Variants in TNFRSF6B observed in about 807,000 individuals in gnomAD.
TNFRSF6B encodes TNF receptor superfamily member 6b, also known as tumor necrosis factor receptor superfamily member 6B.
TNFRSF6B carries 23 observed loss-of-function variants against 17.9 expected under a neutral mutation model. The ratio of observed to expected loss-of-function variants is 1.28; its 90% CI spans 0.92 to 1.82. TNFRSF6B has a LOEUF of 1.82. Ranked by LOEUF, TNFRSF6B falls within the 40% of genes most tolerant of loss-of-function variation. The pLI is 0.00. For missense variants in TNFRSF6B, 555 were observed against 437.2 expected (o/e 1.27, Z -2.40); for synonymous variants, 291 against 195.8 (o/e 1.49, Z -4.06).
At position 63,696,662 on chromosome 20, in the gene TNFRSF6B, G is replaced by A. The variant is rs1412974849; in HGVS notation, c.-106G>A. ...GCAGGATGGGCTTCTGGACTTGGGCGGCCCCTCCGCAGGCGGACCGGGGGC... is the reference window on the plus strand; with the variant it reads ...GCAGGATGGGCTTCTGGACTTGGGCAGCCCCTCCGCAGGCGGACCGGGGGC... On this transcript the variant is annotated 5_prime_UTR_variant, in exon 1 of 3. Transcript: ENST00000369996. 8.6e-6 allele frequency: 11 copies of A among 1,282,376 alleles called. No individual in the cohort carries two copies. The highest frequency in any genetic ancestry group is 3.0e-5 in the African/African-American group (2 of 66,738). The allele number at this position is 1,282,376 out of a possible 1,614,324, so 79.4% of individuals were successfully genotyped here. A position where few individuals can be genotyped will look rare whatever the true frequency, so the allele number is the denominator to read the frequency against.
At chr20:63,697,923 C>A (rs2091018649) in intron 2 of TNFRSF6B, among the ~76,000 whole-genome samples, 1 of 152,196 alleles carries the variant, frequency 6.6e-6, no homozygotes, top group South Asian at 2.1e-4. Flanking sequence ...TGAGAAGTCA[C>A]AGGGGGAAGT....
chr20:63,697,692 C>T (rs2091012567), intron 2 of TNFRSF6B, among the ~76,000 whole-genome samples, 170 bp downstream of exon 2: 1 of 152,176 alleles, frequency 6.6e-6, no homozygotes, highest in Non-Finnish European at 1.5e-5. Flanking sequence ...CCAAGTCTGC[C>T]CTCTCAGGGG....
At chr20:63,697,855 G>C (rs2091017079) in intron 2 of TNFRSF6B, among the ~76,000 whole-genome samples, 1 of 152,166 alleles carries the variant, frequency 6.6e-6, no homozygotes, top group South Asian at 2.1e-4. Flanking sequence ...AACTGCCTGA[G>C]AGGAAGGTGG....
At chr20:63,698,118 A>G (rs926043079) in intron 2 of TNFRSF6B, among the ~76,000 whole-genome samples, 162 bp from the exon 3 acceptor site, 1 of 152,120 alleles carries the variant, frequency 6.6e-6, no homozygotes, top group African/African-American at 2.4e-5. Context: ...CCCCTTCTCC[A>G]GTCCCCATCG....
Position 63,698,657 on chromosome 20 carries a change from C to G in TNFRSF6B, c.*94C>G. On this transcript the variant is annotated 3_prime_UTR_variant, in exon 3 of 3. Coordinates refer to ENST00000369996, the MANE Select transcript of TNFRSF6B (RefSeq NM_003823.4). ...ATAGAAGAAATGAGGTTTCTTAAAGCTTATTTTTATAAAGCTTTTTCATAA... is the reference window on the plus strand; with the variant it reads ...ATAGAAGAAATGAGGTTTCTTAAAGGTTATTTTTATAAAGCTTTTTCATAA... 2.3e-6 allele frequency: 3 copies of G among 1,319,460 alleles called. No homozygotes were observed. Among genetic ancestry groups the G allele is most frequent in the Non-Finnish European group, 3.0e-6 (3 of 1,015,498 alleles). The allele number at this position is 1,319,460 out of a possible 1,614,324, so 81.7% of individuals were successfully genotyped here. A position where few individuals can be genotyped will look rare whatever the true frequency, so the allele number is the denominator to read the frequency against.
At chr20:63,697,890 C>T (rs542986771) in intron 2 of TNFRSF6B, among the ~76,000 whole-genome samples, 27 of 152,278 alleles carry the variant, frequency 1.8e-4, no homozygotes, top group African/African-American at 5.3e-4. Flanking sequence ...ATGGGGAAAC[C>T]GAGGCCCAAT....
In TNFRSF6B at chr20:63,696,789, G is replaced by A; in HGVS notation, c.22G>A (p.Gly8Ser). Residue 8 changes from glycine (G) to serine (S), a missense_variant, in exon 1 of 3, where the codon GGC becomes AGC. Transcript: ENST00000369996. MRALEGP[G>S]LSLLCLVLAL... ...GACCATGAGGGCGCTGGAGGGGCCAGGCCTGTCGCTGCTGTGCCTGGTGTT... is the reference window on the plus strand; with the variant it reads ...GACCATGAGGGCGCTGGAGGGGCCAAGCCTGTCGCTGCTGTGCCTGGTGTT... 2 of 1,602,676 alleles carry A rather than the reference G, an allele frequency of 1.2e-6. No homozygotes were observed. Among genetic ancestry groups the A allele is most frequent in the Non-Finnish European group, 8.5e-7 (1 of 1,174,970 alleles).
intron 2 of TNFRSF6B, 136 bp downstream of exon 2, chr20:63,697,658 A>AGGGGTCC (rs1334083588): frequency 1.0e-6 from 1 of 978,206 alleles, no homozygotes; most frequent in Non-Finnish European, 1.4e-6. Context: ...TTGAGGGGTC[A>AGGGGTCC]GGGGTCCCTC....
At position 63,698,426 on chromosome 20, in the gene TNFRSF6B, A is replaced by C; in HGVS notation, c.766A>C (p.Lys256Gln). The C allele has an allele frequency of 6.3e-7, 1 of 1,581,780 alleles. No homozygotes were observed. The change falls in exon 3 of 3, where the codon AAG becomes CAG. Residue 256 changes from lysine (K) to glutamine (Q), a missense_variant. Physicochemically the swap from Lys to Gln is moderately conservative, Grantham distance 53 (BLOSUM62 1). Coordinates refer to ENST00000369996, the MANE Select transcript of TNFRSF6B (RefSeq NM_003823.4). ...GGCGGGCCGCGCGGCCTTGCAGCTGAAGCTGCGTCGGCGGCTCACGGAGCT... is the reference window on the plus strand; with the variant it reads ...GGCGGGCCGCGCGGCCTTGCAGCTGCAGCTGCGTCGGCGGCTCACGGAGCT... ...PRAGRAALQL[K>Q]LRRRLTELLG...
chr20:63,697,831 A>G (rs1029213463), intron 2 of TNFRSF6B, among the ~76,000 whole-genome samples: 1 of 152,096 alleles, frequency 6.6e-6, no homozygotes. Flanking sequence ...CCGAGGCCTG[A>G]TGGTAACTCT....
Position 63,696,884 on chromosome 20 carries a change from G to A in TNFRSF6B, c.117G>A (p.Arg39=). 6.2e-7 allele frequency: 1 copy of A among 1,611,854 alleles called. No homozygotes were observed. The highest frequency in any genetic ancestry group is 8.5e-7 in the Non-Finnish European group (1 of 1,179,496). ...CAGAAACACCCACCTACCCCTGGCG[G>A]GACGCAGAGACAGGGGAGCGGCTGG... ...GVAETPTYPW[R]DAETGERLVC... Residue 39 remains arginine (R), a synonymous_variant, in exon 1 of 3, where the codon CGG becomes CGA. Coordinates refer to ENST00000369996, the MANE Select transcript of TNFRSF6B (RefSeq NM_003823.4).
Position 63,698,401 on chromosome 20 carries a change from G to A in TNFRSF6B, c.741G>A (p.Arg247=). The change falls in exon 3 of 3, where the codon AGG becomes AGA. Residue 247 remains arginine (R), a synonymous_variant. Coordinates refer to ENST00000369996, the MANE Select transcript of TNFRSF6B (RefSeq NM_003823.4). ...CGGAGGGCTGGGGTCCGACACCAAG[G>A]GCGGGCCGCGCGGCCTTGCAGCTGA... ...EAPEGWGPTP[R]AGRAALQLKL... 2 of 1,599,628 alleles carry A rather than the reference G, an allele frequency of 1.3e-6. No individual in the cohort carries two copies. The highest frequency in any genetic ancestry group is 1.7e-6 in the Non-Finnish European group (2 of 1,174,866).
In TNFRSF6B at chr20:63,698,268, A is replaced by C. The variant is rs1601211380; in HGVS notation, c.620-12A>C. 1 of 1,608,152 alleles carries C rather than the reference A, an allele frequency of 6.2e-7. No individual in the cohort carries two copies. Among genetic ancestry groups the C allele is most frequent in the Non-Finnish European group, 8.5e-7 (1 of 1,178,186 alleles). On this transcript the variant is annotated splice_polypyrimidine_tract_variant and intron_variant, in intron 2 of 2. Coordinates refer to ENST00000369996, the MANE Select transcript of TNFRSF6B (RefSeq NM_003823.4). ...GAAATGATCGGACCGCTGCCTCCCCACCCCACTGCAGGAGCTGAGGAGTGT... is the reference window on the plus strand; with the variant it reads ...GAAATGATCGGACCGCTGCCTCCCCCCCCCACTGCAGGAGCTGAGGAGTGT...
In TNFRSF6B at chr20:63,696,967, C is replaced by G; in HGVS notation, c.200C>G (p.Pro67Arg). ...CAGCGGCCGTGCCGCCGAGACAGCC[C>G]CACGACGTGTGGCCCGTGTCCACCG... is the stretch of plus-strand genomic sequence containing the variant. Reference protein sequence around the residue: ...FVQRPCRRDSPTTCGPCPPRH... With the variant: ...FVQRPCRRDSRTTCGPCPPRH... Residue 67 changes from proline (P) to arginine (R), a missense_variant, in exon 1 of 3, where the codon CCC becomes CGC. Coordinates refer to ENST00000369996, the MANE Select transcript of TNFRSF6B (RefSeq NM_003823.4). The G allele has an allele frequency of 6.2e-7, 1 of 1,608,724 alleles. No individual in the cohort carries two copies. The highest frequency in any genetic ancestry group is 8.5e-7 in the Non-Finnish European group (1 of 1,178,946).
At chr20:63,697,801 G>A (rs927085428) in intron 2 of TNFRSF6B, among the ~76,000 whole-genome samples, 1 of 152,134 alleles carries the variant, frequency 6.6e-6, no homozygotes, top group Non-Finnish European at 1.5e-5. Flanking sequence ...AAGGTGGCTG[G>A]CTCCTCTGAC....
Position 63,696,727 on chromosome 20 carries a change from T to G in TNFRSF6B, c.-41T>G. On this transcript the variant is annotated 5_prime_UTR_variant, in exon 1 of 3. Transcript: ENST00000369996. ...GTCGGTCAGGCACAGCAGGGTCCTG[T>G]GTCCGCGCTGAGCCGCGCTCTCCCT... is the stretch of plus-strand genomic sequence containing the variant. 6.7e-7 allele frequency: 1 copy of G among 1,501,134 alleles called. No individual in the cohort carries two copies. Among genetic ancestry groups the G allele is most frequent in the African/African-American group, 1.4e-5 (1 of 72,420 alleles). The allele number at this position is 1,501,134 out of a possible 1,614,324, so 93.0% of individuals were successfully genotyped here.
In TNFRSF6B at chr20:63,697,116, A is replaced by G. The variant is rs1218931098; in HGVS notation, c.349A>G (p.Thr117Ala). The G allele has an allele frequency of 3.1e-6, 5 of 1,599,482 alleles. No individual in the cohort carries two copies. The highest frequency in any genetic ancestry group is 4.3e-6 in the Non-Finnish European group (5 of 1,175,588). Residue 117 changes from threonine to alanine, a missense_variant, in exon 1 of 3, where the codon ACC becomes GCC. Physicochemically the swap from Thr to Ala is moderately conservative, Grantham distance 58 (BLOSUM62 0). Coordinates refer to ENST00000369996, the MANE Select transcript of TNFRSF6B (RefSeq NM_003823.4). ...ATHNRACRCR[T>A]GFFAHAGFCL... is the part of the protein sequence containing the mutation. ...CCACAACCGTGCCTGCCGCTGCCGCACCGGCTTCTTCGCGCACGCTGGTTT... is the reference window on the plus strand; with the variant it reads ...CCACAACCGTGCCTGCCGCTGCCGCGCCGGCTTCTTCGCGCACGCTGGTTT...
At position 63,698,621 on chromosome 20, in the gene TNFRSF6B, CTTTT is replaced by C; in HGVS notation, c.*63_*66del. ...GGCACCCCACTTGCACTGAAAGAGG[CTTTT>C]TTTTAAATAGAAGAAATGAGGTTTC... On this transcript the variant is annotated 3_prime_UTR_variant, in exon 3 of 3. Coordinates refer to ENST00000369996, the MANE Select transcript of TNFRSF6B (RefSeq NM_003823.4). 3 of 1,405,198 alleles carry C rather than the reference CTTTT, an allele frequency of 2.1e-6. No individual in the cohort carries two copies. The highest frequency in any genetic ancestry group is 2.8e-6 in the Non-Finnish European group (3 of 1,073,934). 87.0% of individuals were successfully genotyped at this position (1,405,198 alleles called of 1,614,324 possible). A position where few individuals can be genotyped will look rare whatever the true frequency, so the allele number is the denominator to read the frequency against.
rs753081163 is a variant in TNFRSF6B at position 63,697,435 on chromosome 20, G to A, written c.532G>A (p.Gly178Ser). The A allele has an allele frequency of 1.9e-6, 3 of 1,605,676 alleles. No individual in the cohort carries two copies. Among genetic ancestry groups the A allele is most frequent in the East Asian group, 4.5e-5 (2 of 44,372 alleles). ...GCCCCACCGCAACTGCACGGCCCTG[G>A]GCCTGGCCCTCAATGTGCCAGGCTC... ...CQPHRNCTAL[G>S]LALNVPGSSS... The change falls in exon 2 of 3, where the codon GGC becomes AGC. Residue 178 changes from glycine (G) to serine (S), a missense_variant. Gly to Ser is a moderately conservative substitution (Grantham distance 56). Coordinates refer to ENST00000369996, the MANE Select transcript of TNFRSF6B (RefSeq NM_003823.4).
Sources: allele counts gnomAD v4.1 joint callset (sites outside exome capture counted in the v4.1 genomes callset), GRCh38; gene constraint gnomAD v4.1.1; transcripts MANE v1.5; gene names NCBI Gene and HGNC (gene_info 2026-07-23, HGNC 2026-07-21).